Variants in PALLD observed in about 807,000 individuals in gnomAD.
The protein encoded by PALLD is palladin.
A neutral mutation model predicts 123.5 loss-of-function variants in PALLD; 61 were observed. The ratio of observed to expected loss-of-function variants is 0.49; its 90% CI spans 0.40 to 0.61. PALLD has a LOEUF of 0.61. Ranked by LOEUF, PALLD falls within the 20% of genes least tolerant of loss-of-function variation. PALLD has a pLI of 0.00. For missense variants in PALLD, 1,273 were observed against 1,377.0 expected (o/e 0.92, Z 1.20); for synonymous variants, 465 against 496.4 (o/e 0.94, Z 0.84).
intron 2 of PALLD, among the ~76,000 whole-genome samples, chr4:168,633,856 G>T (rs1049265641): frequency 1.3e-5 from 2 of 152,044 alleles, no homozygotes; most frequent in African/African-American, 4.8e-5. Flanking sequence ...AATGCATATT[G>T]AACTTTGTTT....
intron 10 of PALLD, among the ~76,000 whole-genome samples, chr4:168,822,688 A>G (rs1561562899): frequency 6.6e-6 from 1 of 152,214 alleles, no homozygotes; most frequent in Non-Finnish European, 1.5e-5. Flanking sequence ...CCAGATGTGC[A>G]GATTGTTCAC....
At chr4:168,685,321 C>A (rs1042195168) in intron 5 of PALLD, among the ~76,000 whole-genome samples, 164 bp from the exon 6 acceptor site, 1 of 152,178 alleles carries the variant, frequency 6.6e-6, no homozygotes, top group African/African-American at 2.4e-5. Flanking sequence ...GGAAGTGGAA[C>A]AATGTCTGTA....
intron 2 of PALLD, among the ~76,000 whole-genome samples, chr4:168,638,313 C>A (rs1381577343): frequency 6.6e-6 from 1 of 152,178 alleles, no homozygotes; most frequent in Non-Finnish European, 1.5e-5. Flanking sequence ...CCAAGGCTGT[C>A]TCAAGGCAAA....
intron 10 of PALLD, among the ~76,000 whole-genome samples, chr4:168,883,170 A>C (rs763037256): frequency 1.3e-5 from 2 of 151,578 alleles, no homozygotes; most frequent in African/African-American, 2.4e-5. Flanking sequence ...GGAGAATTTG[A>C]TATTACAATA....
chr4:168,834,598 G>A (rs1293494116), intron 10 of PALLD, among the ~76,000 whole-genome samples: 1 of 152,124 alleles, frequency 6.6e-6, no homozygotes, highest in East Asian at 1.9e-4. Context: ...TTAGCCAGGT[G>A]TGGTGGTGTG....
chr4:168,586,170 A>T (rs1031975404), intron 2 of PALLD, among the ~76,000 whole-genome samples: 1 of 150,454 alleles, frequency 6.6e-6, no homozygotes, highest in African/African-American at 2.4e-5. Flanking sequence ...AAAAAAAAAA[A>T]AAAAAAAAGG....
chr4:168,745,528 G>A (rs1290424316), intron 10 of PALLD, among the ~76,000 whole-genome samples: 2 of 151,704 alleles, frequency 1.3e-5, no homozygotes, highest in African/African-American at 4.8e-5. Context: ...CTTTAAAAGA[G>A]CATGTTGTAC....
intron 10 of PALLD, among the ~76,000 whole-genome samples, chr4:168,811,630 A>G (rs55701529): frequency 0.071 from 10,776 of 152,194 alleles, 1,250 homozygotes; most frequent in African/African-American, 0.24. Flanking sequence ...CCGCTACTCA[A>G]GAGACTGAGA....
chr4:168,536,810 T>A (rs1765137843), intron 2 of PALLD, among the ~76,000 whole-genome samples: 1 of 149,952 alleles, frequency 6.7e-6, no homozygotes, highest in Non-Finnish European at 1.5e-5. Flanking sequence ...CCTAACTACA[T>A]CAGCATTGAA....
chr4:168,651,152 A>T (rs964289778), intron 2 of PALLD, among the ~76,000 whole-genome samples: 1 of 152,224 alleles, frequency 6.6e-6, no homozygotes, highest in Admixed American at 6.5e-5. Flanking sequence ...AATTCTGGTT[A>T]TATGAATCGC....
chr4:168,852,171 G>A (rs1747896106), intron 10 of PALLD, among the ~76,000 whole-genome samples: 1 of 152,190 alleles, frequency 6.6e-6, no homozygotes, highest in Non-Finnish European at 1.5e-5. Context: ...TGGCACAGAT[G>A]TAAAGCTCAA....
chr4:168,817,812 C>T (rs530356415), intron 10 of PALLD, among the ~76,000 whole-genome samples: 1 of 152,312 alleles, frequency 6.6e-6, no homozygotes, highest in African/African-American at 2.4e-5. Flanking sequence ...AGAAGACATT[C>T]ATCCTGGGTA....
intron 15 of PALLD, among the ~76,000 whole-genome samples, chr4:168,905,894 G>A (rs142194107): frequency 6.6e-6 from 1 of 150,558 alleles, no homozygotes; most frequent in African/African-American, 2.4e-5. Flanking sequence ...CCACCTCCTG[G>A]GTTCAAGCAA....
At chr4:168,587,675 C>T (rs1770973872) in intron 2 of PALLD, among the ~76,000 whole-genome samples, 1 of 152,136 alleles carries the variant, frequency 6.6e-6, no homozygotes, top group Non-Finnish European at 1.5e-5. Context: ...TTCTACCTCT[C>T]CCCTGCTGTA....
intron 10 of PALLD, among the ~76,000 whole-genome samples, chr4:168,812,841 G>T (rs750178853): frequency 3.9e-5 from 6 of 152,130 alleles, no homozygotes; most frequent in Non-Finnish European, 5.9e-5. Flanking sequence ...GAAGTTGATG[G>T]CAACTATTTT....
At chr4:168,599,893 G>A (rs1022797724) in intron 2 of PALLD, among the ~76,000 whole-genome samples, 1 of 133,626 alleles carries the variant, frequency 7.5e-6, no homozygotes, top group Admixed American at 7.3e-5. Flanking sequence ...GTGCATGTGT[G>A]TGTATATCAC....
intron 11 of PALLD, 74 bp from the exon 12 acceptor site, chr4:168,894,505 A>T: frequency 1.1e-6 from 1 of 874,400 alleles, no homozygotes; most frequent in Non-Finnish European, 1.9e-6. Context: ...GTTGTTTTTT[A>T]CTCTTTTTCA....
At chr4:168,660,200 G>A (rs1319319290) in intron 2 of PALLD, among the ~76,000 whole-genome samples, 1 of 152,158 alleles carries the variant, frequency 6.6e-6, no homozygotes, top group African/African-American at 2.4e-5. Context: ...ATTTTTAAAT[G>A]TTCTTACACC....
At chr4:168,763,191 A>G (rs185327724) in intron 10 of PALLD, among the ~76,000 whole-genome samples, 1 of 152,362 alleles carries the variant, frequency 6.6e-6, no homozygotes, top group East Asian at 1.9e-4. Flanking sequence ...GCCATTCTCT[A>G]CAGAATTTGA....
Sources: allele counts gnomAD v4.1 joint callset (sites outside exome capture counted in the v4.1 genomes callset), GRCh38; gene constraint gnomAD v4.1.1; transcripts MANE v1.5; gene names NCBI Gene and HGNC (gene_info 2026-07-23, HGNC 2026-07-21).